The following FBXL17 variants were observed in gnomAD, a reference collection of about 807,000 sequenced individuals.
FBXL17 encodes F-box/LRR-repeat protein 17.
Under a neutral mutation model 66.2 loss-of-function variants are expected in FBXL17, and 22 were observed. That is an observed-to-expected ratio of 0.33 (90% CI 0.24 to 0.47). The LOEUF (loss-of-function observed/expected upper bound fraction) is 0.47. FBXL17 is among the 20% of genes least tolerant of loss of function. The pLI is 1.00. For missense variants in FBXL17, 878 were observed against 948.2 expected (o/e 0.93, Z 0.97); for synonymous variants, 474 against 400.5 (o/e 1.18, Z -2.19).
At chr5:108,298,258 TCTTA>T (rs1378283420) in intron 4 of FBXL17, 1 of 984,594 alleles carries the variant, frequency 1.0e-6, no homozygotes, top group African/African-American at 1.7e-5. Context: ...TCTTGCTACT[TCTTA>T]CTACTATGTG....
At chr5:108,101,586 T>C (rs1226078951) in intron 6 of FBXL17, among the ~76,000 whole-genome samples, 1 of 152,224 alleles carries the variant, frequency 6.6e-6, no homozygotes, top group Non-Finnish European at 1.5e-5. Context: ...TTGAACTAAA[T>C]TGAGTTACCT....
At chr5:108,323,307 A>G (rs556649536) in intron 4 of FBXL17, among the ~76,000 whole-genome samples, 4 of 152,050 alleles carry the variant, frequency 2.6e-5, no homozygotes, top group Admixed American at 2.0e-4. Context: ...CTAAACACTT[A>G]TAAGGAACAA....
At chr5:107,954,341 C>G (rs1751591759) in intron 7 of FBXL17, among the ~76,000 whole-genome samples, 1 of 152,156 alleles carries the variant, frequency 6.6e-6, no homozygotes. Context: ...CTATTCAAAT[C>G]ACACAAAAAT....
At chr5:107,995,835 T>C (rs1753446812) in intron 7 of FBXL17, among the ~76,000 whole-genome samples, 1 of 151,974 alleles carries the variant, frequency 6.6e-6, no homozygotes, top group African/African-American at 2.4e-5. Flanking sequence ...TAAAAGAAGG[T>C]GAAAGTTGAG....
chr5:108,203,526 T>A (rs543292239), intron 5 of FBXL17, among the ~76,000 whole-genome samples: 2 of 152,244 alleles, frequency 1.3e-5, no homozygotes, highest in South Asian at 4.1e-4. Flanking sequence ...AGCATGGTCA[T>A]CCAAAAAAAC....
intron 4 of FBXL17, among the ~76,000 whole-genome samples, chr5:108,274,028 CA>C (rs1297626822): frequency 6.6e-6 from 1 of 151,886 alleles, no homozygotes; most frequent in East Asian, 1.9e-4. Context: ...TGTGAGAAAA[CA>C]AAAATGTCTA....
At chr5:107,883,030 C>T (rs760744015) in intron 7 of FBXL17, among the ~76,000 whole-genome samples, 1 of 152,172 alleles carries the variant, frequency 6.6e-6, no homozygotes, top group African/African-American at 2.4e-5. Flanking sequence ...TGACTTACTA[C>T]TATTTACTGA....
intron 7 of FBXL17, among the ~76,000 whole-genome samples, chr5:107,945,059 C>A (rs1751236225): frequency 6.6e-6 from 1 of 151,598 alleles, no homozygotes. Context: ...AGAATAACTA[C>A]AAATCAATAG....
chr5:107,922,441 T>C (rs1434222285), intron 7 of FBXL17, among the ~76,000 whole-genome samples: 1 of 152,122 alleles, frequency 6.6e-6, no homozygotes, highest in African/African-American at 2.4e-5. Context: ...CAGTGGGTAA[T>C]GGCCCACTGG....
chr5:108,138,572 G>A (rs1158633900), intron 6 of FBXL17, among the ~76,000 whole-genome samples: 1 of 152,096 alleles, frequency 6.6e-6, no homozygotes, highest in African/African-American at 2.4e-5. Flanking sequence ...GTGGGAAGAG[G>A]GGACAAAGAT....
At chr5:108,026,293 T>C (rs1216578877) in intron 6 of FBXL17, among the ~76,000 whole-genome samples, 1 of 152,248 alleles carries the variant, frequency 6.6e-6, no homozygotes, top group African/African-American at 2.4e-5. Context: ...AATAGTTTTT[T>C]TTTAATCTTC....
At chr5:108,194,339 C>A (rs1178792872) in intron 5 of FBXL17, among the ~76,000 whole-genome samples, 3 of 152,088 alleles carry the variant, frequency 2.0e-5, no homozygotes, top group Non-Finnish European at 4.4e-5. Context: ...CAAATCTCAT[C>A]TTCTCCACAA....
At chr5:108,120,487 C>T (rs975203610) in intron 6 of FBXL17, among the ~76,000 whole-genome samples, 3 of 152,118 alleles carry the variant, frequency 2.0e-5, no homozygotes, top group Admixed American at 1.3e-4. Context: ...GTTCCTATAT[C>T]ATTGAGAAAA....
rs146657551 is a variant in FBXL17 at position 107,940,341 on chromosome 5, T to C, written c.1823-59162A>G. 6.5e-4 allele frequency among the ~76,000 whole-genome samples: 99 copies of C among 152,242 alleles called. 1 individual carries two copies. Among genetic ancestry groups the C allele is most frequent in the African/African-American group, 2.3e-3 (96 of 41,542 alleles). On this transcript the variant is annotated intron_variant, in intron 7 of 8. Transcript: ENST00000542267. ...AAGAAAAGTAAGGCCTGAATCCAAC[T>C]ACCACATAAACTCAGTTTTTTGGAG...
At chr5:108,282,830 A>G (rs13184864) in intron 4 of FBXL17, among the ~76,000 whole-genome samples, 2 of 151,732 alleles carry the variant, frequency 1.3e-5, no homozygotes, top group Non-Finnish European at 3.0e-5. Context: ...AAATCAACAT[A>G]CAAAAACCAG....
At chr5:108,219,658 T>C (rs139132229) in intron 5 of FBXL17, among the ~76,000 whole-genome samples, 1,540 of 152,154 alleles carry the variant, frequency 0.01, 32 homozygotes, top group African/African-American at 0.034. Flanking sequence ...CACTCCAGCC[T>C]GGGCAACAAG....
At chr5:108,340,785 G>C (rs576089437) in intron 4 of FBXL17, among the ~76,000 whole-genome samples, 50 of 152,236 alleles carry the variant, frequency 3.3e-4, no homozygotes, top group Non-Finnish European at 4.1e-4. Context: ...TAACCCATCT[G>C]TCCCTAACCC....
chr5:108,359,943 A>G (rs750184958), intron 3 of FBXL17, among the ~76,000 whole-genome samples: 1 of 151,980 alleles, frequency 6.6e-6, no homozygotes, highest in Non-Finnish European at 1.5e-5. Flanking sequence ...AAGTCTTTCA[A>G]TTTTTGCTAT....
chr5:108,152,906 G>C (rs1314091462), intron 6 of FBXL17, among the ~76,000 whole-genome samples: 1 of 152,194 alleles, frequency 6.6e-6, no homozygotes, highest in Non-Finnish European at 1.5e-5. Flanking sequence ...TAGAATTGTA[G>C]CTCCCATAAT....
Sources: allele counts gnomAD v4.1 joint callset (sites outside exome capture counted in the v4.1 genomes callset), GRCh38; gene constraint gnomAD v4.1.1; transcripts MANE v1.5; gene names NCBI Gene and HGNC (gene_info 2026-07-23, HGNC 2026-07-21).